Variants in LRRC45 observed in about 807,000 individuals in gnomAD.
LRRC45 encodes the protein leucine-rich repeat-containing protein 45.
In LRRC45, 73 loss-of-function variants were observed where a neutral mutation model predicts 85.4. The ratio of observed to expected loss-of-function variants is 0.85; its 90% CI spans 0.71 to 1.04. The LOEUF (loss-of-function observed/expected upper bound fraction) is 1.04. LRRC45 is among the 50% of genes least tolerant of loss of function. LRRC45 has a pLI of 0.00. For missense variants in LRRC45, 937 were observed against 883.3 expected, an observed-to-expected ratio of 1.06 and a Z score of -0.77; for synonymous variants, 429 against 386.0, an observed-to-expected ratio of 1.11 and a Z score of -1.31.
At chr17:82,030,500 G>A (rs933772363) in intron 16 of LRRC45, 34 bp downstream of exon 16, 3 of 1,531,370 alleles carry the variant, frequency 2.0e-6, no homozygotes, top group Admixed American at 2.0e-5. Flanking sequence ...GCCGCCCACT[G>A]GTGGGACGTG....
rs1332461640 is a variant in LRRC45, at chr17:82,029,714, C to T, written c.1494+79C>T. 9.4e-6 allele frequency: 13 copies of T among 1,376,834 alleles called. No individual in the cohort carries two copies. In the Middle Eastern group the frequency reaches 7.3e-4, roughly 78 times the overall value. 85.3% of individuals were successfully genotyped at this position (1,376,834 alleles called of 1,614,324 possible). A position where few individuals can be genotyped will look rare whatever the true frequency, so the allele number is the denominator to read the frequency against. On this transcript the variant is annotated intron_variant, in intron 14 of 16. Transcript: ENST00000306688. ...GGCCCGCATGCAGACTCCAGAGCTT[C>T]GGTCTGAGTGGGGAGGCGGGAGTGT...
In LRRC45 at chr17:82,028,440, T is replaced by C. The variant is rs200341016; in HGVS notation, c.1169T>C (p.Leu390Pro). The stretch of plus-strand genomic sequence containing the variant: ...AAGTTCAGGTGTCAGCAGGAGCAGC[T>C]GTTCCAGACCAGGCAGGAGATGACC... The part of the protein sequence containing the change: ...ERKFRCQQEQ[L>P]FQTRQEMTSM... The change falls in exon 11 of 17, where the codon CTG becomes CCG. Residue 390 changes from leucine (L) to proline (P), a missense_variant. Physicochemically the swap from Leu to Pro is moderately conservative, Grantham distance 98. Transcript: ENST00000306688. The C allele has an allele frequency of 4.7e-5, 75 of 1,612,620 alleles. No individual in the cohort carries two copies. In the Admixed American group the frequency reaches 9.3e-4, roughly 20 times the overall value.
At position 82,028,504 on chromosome 17, in the gene LRRC45, C is replaced by G; in HGVS notation, c.1233C>G (p.Ala411=). The part of the protein sequence containing the change: ...SAELKMRAIQ[A]EERLDMEKRR... ...AGCTGAAGATGCGGGCCATCCAGGC[C>G]GAGGGTGGGCACGGGCAGGCCTGCT... The change falls in exon 11 of 17, where the codon GCC becomes GCG. Residue 411 remains alanine (A), a synonymous_variant. Coordinates refer to ENST00000306688, the MANE Select transcript of LRRC45 (RefSeq NM_144999.4). 1 of 1,612,304 alleles carries G rather than the reference C, an allele frequency of 6.2e-7. No individual in the cohort carries two copies. Among genetic ancestry groups the G allele is most frequent in the Non-Finnish European group, 8.5e-7 (1 of 1,179,796 alleles).
At chr17:82,024,366 C>T (rs190168749) in intron 2 of LRRC45, 27 bp downstream of exon 2, 20 of 1,611,126 alleles carry the variant, frequency 1.2e-5, no homozygotes, top group African/African-American at 9.3e-5. Context: ...CTTGAGTGTC[C>T]GAGTGTGCCA....
intron 3 of LRRC45, 80 bp from the exon 4 acceptor site, chr17:82,024,919 AG>A: frequency 6.9e-7 from 1 of 1,452,196 alleles, no homozygotes; most frequent in Non-Finnish European, 9.1e-7. Flanking sequence ...TCAGACCCCA[AG>A]CCCACACCCG....
rs1217897961 is a variant in LRRC45 at position 82,023,709 on chromosome 17, T to G, written c.66T>G (p.Ala22=). ...AGAGTGGGGCCGAGCCCCAGGAGGC[T>G]GTCCTGCAGCAGCTGCACCAGCTTC... is the stretch of plus-strand genomic sequence containing the variant. ...CRESGAEPQE[A]VLQQLHQLPR... is the part of the protein sequence containing the mutation. The change falls in exon 1 of 17, where the codon GCT becomes GCG. Residue 22 remains alanine (A), a synonymous_variant. Transcript: ENST00000306688. 6.4e-7 allele frequency: 1 copy of G among 1,551,642 alleles called. No homozygotes were observed. Among genetic ancestry groups the G allele is most frequent in the Non-Finnish European group, 8.7e-7 (1 of 1,153,754 alleles).
intron 13 of LRRC45, 26 bp from the exon 14 acceptor site, chr17:82,029,517 G>C: frequency 6.4e-7 from 1 of 1,552,472 alleles, no homozygotes; most frequent in South Asian, 1.2e-5. Context: ...ACAGGAGAAC[G>C]GGCTGGCAGG....
At position 82,023,596 on chromosome 17, in the gene LRRC45, C is replaced by T. The variant is rs937880424; in HGVS notation, c.-48C>T. On this transcript the variant is annotated 5_prime_UTR_variant, in exon 1 of 17. Coordinates refer to ENST00000306688, the MANE Select transcript of LRRC45 (RefSeq NM_144999.4). ...TGCTCCGCACCGCGCGGCTCCCTTT[C>T]AGCAGCTGCGGGAGCATGCGGAGGA... 12 of 1,457,386 alleles carry T rather than the reference C, an allele frequency of 8.2e-6. No homozygotes were observed. In the African/African-American group the frequency reaches 1.4e-4, roughly 17 times the overall value. The allele number at this position is 1,457,386 out of a possible 1,614,324, so 90.3% of individuals were successfully genotyped here.
chr17:82,024,019 G>C (rs777164764), intron 1 of LRRC45, 156 bp downstream of exon 1: 8 of 747,082 alleles, frequency 1.1e-5, no homozygotes, highest in Non-Finnish European at 1.7e-5. Context: ...GTAGAGGGCA[G>C]TTCCTCTGTA....
Position 82,029,204 on chromosome 17 carries a change from G to A in LRRC45, c.1401+19G>A, listed in dbSNP as rs2043394990. 6.2e-7 allele frequency: 1 copy of A among 1,604,812 alleles called. No individual in the cohort carries two copies. Among genetic ancestry groups the A allele is most frequent in the Non-Finnish European group, 8.5e-7 (1 of 1,177,306 alleles). ...GGAGGAGGTGAGTGCCCACCAGGCA[G>A]GGCCAAGCTCTGCCTTAGTCCTGGG... On this transcript the variant is annotated intron_variant, in intron 13 of 16. Transcript: ENST00000306688.
rs1252675032 is a variant in LRRC45 at position 82,024,336 on chromosome 17, A to G, written c.279A>G (p.Leu93=). The G allele has an allele frequency of 1.9e-6, 3 of 1,612,314 alleles. No homozygotes were observed. The East Asian group carries it at 6.7e-5, about 36-fold the overall frequency. The change falls in exon 2 of 17, where the codon TTA becomes TTG. Residue 93 remains leucine (L), a synonymous_variant. Transcript: ENST00000306688. ...CANTVLRFLD[L]KGNNLRAAGA... ...ACACCGTGCTGCGCTTTCTGGACTT[A>G]AAGGTGAGATACCTGCACTCTTGAG...
chr17:82,025,371 C>T lies in LRRC45; in HGVS notation c.533-8C>T. 3.2e-6 allele frequency: 5 copies of T among 1,567,934 alleles called. No homozygotes were observed. Among genetic ancestry groups the T allele is most frequent in the Middle Eastern group, 1.7e-4 (1 of 5,852 alleles). On this transcript the variant is annotated splice_polypyrimidine_tract_variant and splice_region_variant and intron_variant, in intron 4 of 16. Transcript: ENST00000306688. ...CATTCTGTCTGGTGACTACAGGTTTCCTTCCAGACCTGCGCTGGAATAACG... is the reference window on the plus strand; with the variant it reads ...CATTCTGTCTGGTGACTACAGGTTTTCTTCCAGACCTGCGCTGGAATAACG...
intron 13 of LRRC45, 37 bp downstream of exon 13, chr17:82,029,222 G>T (rs963330609): frequency 6.3e-7 from 1 of 1,585,622 alleles, no homozygotes; most frequent in African/African-American, 1.3e-5. Flanking sequence ...CTCTGCCTTA[G>T]TCCTGGGCTG....
rs768900200 is a variant in LRRC45 at position 82,027,282 on chromosome 17, G to A, written c.775-104G>A. The A allele has an allele frequency of 7.5e-5, 107 of 1,431,462 alleles. 1 individual carries two copies. The highest frequency in any genetic ancestry group is 9.2e-5 in the Non-Finnish European group (94 of 1,025,760). The allele number at this position is 1,431,462 out of a possible 1,614,324, so 88.7% of individuals were successfully genotyped here. A position where few individuals can be genotyped will look rare whatever the true frequency, so the allele number is the denominator to read the frequency against. On this transcript the variant is annotated intron_variant, in intron 6 of 16. Coordinates refer to ENST00000306688, the MANE Select transcript of LRRC45 (RefSeq NM_144999.4). The stretch of plus-strand genomic sequence containing the variant: ...CAGGGCACCGTGGGTGGAACCCTCC[G>A]CTGCCTTGCCACATTGGTGGGCGCT...
chr17:82,031,055 C>T lies in LRRC45; in HGVS notation c.*250C>T, dbSNP rs1252791016. 2.6e-6 allele frequency: 1 copy of T among 387,902 alleles called. No homozygotes were observed. Among genetic ancestry groups the T allele is most frequent in the Non-Finnish European group, 4.6e-6 (1 of 219,500 alleles). 24.0% of individuals were successfully genotyped at this position (387,902 alleles called of 1,614,324 possible). On this transcript the variant is annotated 3_prime_UTR_variant, in exon 17 of 17. Transcript: ENST00000306688. ...GCACACCGGGAAGGGGTCCCGCGGG[C>T]GCGTCTCCCCCTCGCCTTTTGCGAT...
At position 82,023,741 on chromosome 17, in the gene LRRC45, G is replaced by T; in HGVS notation, c.98G>T (p.Gly33Val). Reference sequence around the variant, plus strand: ...CAGCAGCTGCACCAGCTTCCCAGGGGCCGGCTGGACCTGGCCACGCAAAGC... The same window carrying T: ...CAGCAGCTGCACCAGCTTCCCAGGGTCCGGCTGGACCTGGCCACGCAAAGC... ...VLQQLHQLPR[G>V]RLDLATQSLT... The change falls in exon 1 of 17, where the codon GGC (glycine) becomes GTC (valine). Residue 33 changes from glycine to valine, a missense_variant. By Grantham distance (109) the Gly-to-Val change is moderately radical. Coordinates refer to ENST00000306688, the MANE Select transcript of LRRC45 (RefSeq NM_144999.4). The T allele has an allele frequency of 1.2e-5, 19 of 1,551,926 alleles. No individual in the cohort carries two copies. Among genetic ancestry groups the T allele is most frequent in the Non-Finnish European group, 1.6e-5 (19 of 1,152,206 alleles).
At chr17:82,026,610 C>A (rs886487959) in intron 5 of LRRC45, among the ~76,000 whole-genome samples, 1 of 117,256 alleles carries the variant, frequency 8.5e-6, no homozygotes, top group Admixed American at 8.8e-5. Context: ...GACTGAGTTT[C>A]ACTCAGTCAC....
intron 2 of LRRC45, 78 bp from the exon 3 acceptor site, chr17:82,024,615 C>T: frequency 6.8e-7 from 1 of 1,479,216 alleles, no homozygotes; most frequent in South Asian, 1.3e-5. Context: ...CCCTGGCTGA[C>T]CAAGGCCCTT....
At chr17:82,029,693 C>G in intron 14 of LRRC45, 58 bp downstream of exon 14, 3 of 1,473,138 alleles carry the variant, frequency 2.0e-6, no homozygotes, top group Non-Finnish European at 2.8e-6. Context: ...CATTGCGGCC[C>G]GCATGCAGAC....
Sources: gnomAD v4.1 joint callset for allele counts (sites outside exome capture counted in the v4.1 genomes callset) on GRCh38, gnomAD v4.1.1 for gene constraint, MANE v1.5 for transcripts, NCBI Gene and HGNC (gene_info 2026-07-23, HGNC 2026-07-21) for gene names.